Variants in KCNH8 observed in about 807,000 individuals in gnomAD.
KCNH8 encodes voltage-gated delayed rectifier potassium channel KCNH8.
Under a neutral mutation model 103.6 loss-of-function variants are expected in KCNH8, and 70 were observed. That is an observed-to-expected ratio of 0.68 (90% CI 0.56 to 0.82). KCNH8 has a LOEUF of 0.82. Ranked by LOEUF, KCNH8 falls within the 40% of genes least tolerant of loss-of-function variation. The probability of loss-of-function intolerance (pLI) is 0.00; values close to 1 mark genes in which losing one functional copy is unlikely to be tolerated. For synonymous variants in KCNH8, 498 were observed against 489.4 expected (o/e 1.02, Z -0.23); for missense variants, 1,217 against 1,329.9 (o/e 0.92, Z 1.32).
intron 5 of KCNH8, among the ~76,000 whole-genome samples, chr3:19,367,979 T>C (rs913333590): frequency 4.6e-5 from 7 of 152,042 alleles, no homozygotes; most frequent in Admixed American, 1.3e-4. Context: ...CATCCTTTCC[T>C]GGATAACAAC....
At chr3:19,340,250 ATAG>A (rs1200386089) in intron 3 of KCNH8, among the ~76,000 whole-genome samples, 2 of 152,100 alleles carry the variant, frequency 1.3e-5, no homozygotes, top group Non-Finnish European at 2.9e-5. Context: ...AGCTTTTATA[ATAG>A]TAGAGAGATT....
intron 5 of KCNH8, among the ~76,000 whole-genome samples, chr3:19,352,420 C>A (rs909098017): frequency 1.3e-5 from 2 of 152,194 alleles, no homozygotes; most frequent in Non-Finnish European, 1.5e-5. Context: ...CCCAAATCAA[C>A]AGAATATACA....
chr3:19,355,532 A>C (rs2065869124), intron 5 of KCNH8, among the ~76,000 whole-genome samples: 1 of 152,154 alleles, frequency 6.6e-6, no homozygotes, highest in Non-Finnish European at 1.5e-5. Flanking sequence ...GCACATATAC[A>C]ACATGGAATA....
chr3:19,397,324 T>C (rs773840817), intron 7 of KCNH8, among the ~76,000 whole-genome samples: 25 of 151,890 alleles, frequency 1.6e-4, no homozygotes, highest in Non-Finnish European at 2.9e-4. Flanking sequence ...TCATCATGGT[T>C]CCATTGCTAA....
chr3:19,337,383 T>C (rs557315950), intron 3 of KCNH8, among the ~76,000 whole-genome samples: 1 of 152,032 alleles, frequency 6.6e-6, no homozygotes, highest in East Asian at 1.9e-4. Context: ...CTCAGTGGAG[T>C]CTAATCATAA....
intron 3 of KCNH8, among the ~76,000 whole-genome samples, chr3:19,332,067 T>TC: frequency 6.6e-6 from 1 of 152,162 alleles, no homozygotes. Context: ...TTTTTTTTTT[T>TC]TCACATACAC....
Position 19,451,398 on chromosome 3 carries a change from A to G in KCNH8, c.1819A>G (p.Ile607Val). The G allele has an allele frequency of 6.2e-7, 1 of 1,613,452 alleles. No homozygotes were observed. Among genetic ancestry groups the G allele is most frequent in the Non-Finnish European group, 8.5e-7 (1 of 1,179,594 alleles). Residue 607 changes from isoleucine (I) to valine (V), a missense_variant, in exon 10 of 16, where the codon ATT becomes GTT. Coordinates refer to ENST00000328405, the MANE Select transcript of KCNH8 (RefSeq NM_144633.3). ...EVLKDSMVLA[I>V]LGKGDLIGAN... ...TCTTAAAGACAGCATGGTGCTGGCT[A>G]TTCTTGGTAGGTCTGAATTGAAAAA...
chr3:19,345,867 C>T (rs2065722332), intron 4 of KCNH8, among the ~76,000 whole-genome samples: 1 of 151,890 alleles, frequency 6.6e-6, no homozygotes, highest in South Asian at 2.1e-4. Context: ...CAAAATGAAA[C>T]CATGAGATTT....
At chr3:19,384,411 T>G (rs1461708708) in intron 5 of KCNH8, among the ~76,000 whole-genome samples, 4 of 152,140 alleles carry the variant, frequency 2.6e-5, no homozygotes, top group Non-Finnish European at 5.9e-5. Flanking sequence ...ATTGAAAAGC[T>G]GAAAGGTATA....
At chr3:19,330,014 TA>T (rs35275404) in intron 3 of KCNH8, among the ~76,000 whole-genome samples, 38 of 146,428 alleles carry the variant, frequency 2.6e-4, no homozygotes, top group Admixed American at 5.5e-4. Flanking sequence ...TTTCTAAAAG[TA>T]AAAAAAAAAG....
intron 2 of KCNH8, among the ~76,000 whole-genome samples, chr3:19,276,358 G>T (rs1331864062): frequency 2.6e-5 from 4 of 151,930 alleles, no homozygotes; most frequent in South Asian, 2.1e-4. Flanking sequence ...AAATGTTTAG[G>T]TCACATAACC....
chr3:19,451,070 G>A (rs944291864), intron 9 of KCNH8, 85 bp from the exon 10 acceptor site: 5 of 1,319,338 alleles, frequency 3.8e-6, no homozygotes, highest in Admixed American at 1.7e-5. Flanking sequence ...GAGACAGTAG[G>A]AAGAGCATCC....
Position 19,382,594 on chromosome 3 carries a change from G to A in KCNH8, c.812-7887G>A, listed in dbSNP as rs567777336. ...GAAAATAATACTATTAATATGTGAC[G>A]CAGTCTTAGATTAAGTCATTCATTG... On this transcript the variant is annotated intron_variant, in intron 5 of 15. Coordinates refer to ENST00000328405, the MANE Select transcript of KCNH8 (RefSeq NM_144633.3). Among the ~76,000 whole-genome samples, 20 of 152,178 alleles carry A rather than the reference G, an allele frequency of 1.3e-4. 1 individual carries two copies. Among genetic ancestry groups the A allele is most frequent in the Admixed American group, 6.5e-4 (10 of 15,274 alleles).
At chr3:19,461,976 CT>C (rs1163943422) in intron 11 of KCNH8, among the ~76,000 whole-genome samples, 3 of 152,078 alleles carry the variant, frequency 2.0e-5, no homozygotes, top group South Asian at 2.1e-4. Flanking sequence ...TTAACTCATC[CT>C]TTTTTATGGC....
chr3:19,194,407 T>C (rs931325671), intron 1 of KCNH8, among the ~76,000 whole-genome samples: 3 of 151,826 alleles, frequency 2.0e-5, no homozygotes, highest in Non-Finnish European at 2.9e-5. Flanking sequence ...GAATTATTTA[T>C]CCAATTTTTA....
intron 1 of KCNH8, among the ~76,000 whole-genome samples, chr3:19,200,729 C>G (rs1255381201): frequency 6.6e-6 from 1 of 151,996 alleles, no homozygotes; most frequent in Non-Finnish European, 1.5e-5. Flanking sequence ...ACCTATGAAT[C>G]TCCCAAAATC....
At position 19,460,087 on chromosome 3, in the gene KCNH8, C is replaced by T. The variant is rs181154157; in HGVS notation, c.2040+3105C>T. 2.6e-5 allele frequency among the ~76,000 whole-genome samples: 4 copies of T among 152,020 alleles called. No individual in the cohort carries two copies. The East Asian group carries it at 7.7e-4, about 29-fold the overall frequency. On this transcript the variant is annotated intron_variant, in intron 11 of 15. Coordinates refer to ENST00000328405, the MANE Select transcript of KCNH8 (RefSeq NM_144633.3). ...TATTAAAGATTGTTCATGTCATTTT[C>T]CTCAAAATAAGATTTTCTTTTCACA... is the stretch of plus-strand genomic sequence containing the variant.
At chr3:19,406,106 T>A (rs2066687330) in intron 7 of KCNH8, among the ~76,000 whole-genome samples, 1 of 152,074 alleles carries the variant, frequency 6.6e-6, no homozygotes, top group African/African-American at 2.4e-5. Context: ...GTTGAACAAC[T>A]AATGCCTTGG....
chr3:19,277,741 A>G (rs1040612146), intron 2 of KCNH8, among the ~76,000 whole-genome samples: 3 of 152,170 alleles, frequency 2.0e-5, no homozygotes, highest in South Asian at 2.1e-4. Flanking sequence ...AATTCCAAAA[A>G]TAGATTTTTC....
Sources: gnomAD v4.1 joint callset for allele counts (sites outside exome capture counted in the v4.1 genomes callset) on GRCh38, gnomAD v4.1.1 for gene constraint, MANE v1.5 for transcripts, NCBI Gene and HGNC (gene_info 2026-07-23, HGNC 2026-07-21) for gene names.